The following CACNA1C variants were observed in gnomAD, a reference collection of about 807,000 sequenced individuals.
The protein encoded by CACNA1C is calcium voltage-gated channel subunit alpha1 C, also known as voltage-dependent L-type calcium channel subunit alpha-1C.
A neutral mutation model predicts 229.0 loss-of-function variants in CACNA1C; 30 were observed. The observed-to-expected ratio is 0.13, with a 90% confidence interval of 0.10 to 0.18. CACNA1C has a LOEUF of 0.18. Among genes scored for constraint, CACNA1C ranks in the 10% least tolerant of loss-of-function variants. The probability of loss-of-function intolerance (pLI) is 1.00; values close to 1 mark genes in which losing one functional copy is unlikely to be tolerated. For missense variants in CACNA1C, 1,658 were observed against 2,845.0 expected, an observed-to-expected ratio of 0.58 and a Z score of 9.49; for synonymous variants, 1,114 against 1,132.5, an observed-to-expected ratio of 0.98 and a Z score of 0.33.
At chr12:2,472,600 C>A (rs183927605) in intron 5 of CACNA1C, among the ~76,000 whole-genome samples, 13 of 151,838 alleles carry the variant, frequency 8.6e-5, no homozygotes, top group East Asian at 3.9e-4. Flanking sequence ...AGCACTCTCT[C>A]TATATATATA....
At chr12:2,383,981 C>T (rs539883524) in intron 3 of CACNA1C, among the ~76,000 whole-genome samples, 2 of 152,186 alleles carry the variant, frequency 1.3e-5, no homozygotes, top group Non-Finnish European at 2.9e-5. Flanking sequence ...ACAGATCCTC[C>T]GGGTGCAAGG....
intron 3 of CACNA1C, among the ~76,000 whole-genome samples, chr12:2,447,532 C>T (rs1194253690): frequency 6.6e-6 from 1 of 151,654 alleles, no homozygotes; most frequent in Non-Finnish European, 1.5e-5. Flanking sequence ...CTGGGTAGGG[C>T]CCAGAATTCT....
chr12:2,457,296 C>T (rs973350240), intron 4 of CACNA1C, among the ~76,000 whole-genome samples: 1 of 152,202 alleles, frequency 6.6e-6, no homozygotes, highest in Non-Finnish European at 1.5e-5. Context: ...AGCGCTTGTC[C>T]AGCTCCTGCC....
intron 3 of CACNA1C, among the ~76,000 whole-genome samples, chr12:2,262,685 T>G (rs534688806): frequency 8.6e-5 from 13 of 151,862 alleles, no homozygotes; most frequent in Non-Finnish European, 1.5e-4. Flanking sequence ...AGGACTGGGG[T>G]GGGGTGGAGG....
rs2073159316 is a variant in CACNA1C at position 2,602,629 on chromosome 12, CTTGTGTGTGTGTGTGTGT to C, written c.2960+670_2960+687del. On this transcript the variant is annotated intron_variant, in intron 22 of 46. Transcript: ENST00000399655. This position sits in a 1 kb window ranked among gnomAD's most constrained non-coding sequence, Gnocchi z 4.4. ...TGTGTGTGACTGTGTATATTTGTGT[CTTGTGTGTGTGTGTGTGT>C]GTGTGTGTGTGTGTGTGTGTGTGAG... Among the ~76,000 whole-genome samples, 2 of 87,744 alleles carry C rather than the reference CTTGTGTGTGTGTGTGTGT, an allele frequency of 2.3e-5. No individual in the cohort carries two copies. The highest frequency in any genetic ancestry group is 8.2e-5 in the African/African-American group (2 of 24,358). The allele number at this position is 87,744 out of a possible 152,430, so 57.6% of individuals were successfully genotyped here.
chr12:2,115,809 T>C (rs2083598687), intron 2 of CACNA1C, among the ~76,000 whole-genome samples: 1 of 152,252 alleles, frequency 6.6e-6, no homozygotes, highest in African/African-American at 2.4e-5. Context: ...GTTTTTTGTT[T>C]TTTTCATATA....
At chr12:2,237,641 G>T (rs1402728457) in intron 3 of CACNA1C, among the ~76,000 whole-genome samples, 1 of 152,170 alleles carries the variant, frequency 6.6e-6, no homozygotes, top group Non-Finnish European at 1.5e-5. Flanking sequence ...TAACCAGTTG[G>T]AAGGAAGGAT....
chr12:2,193,215 G>A (rs2097295802), intron 3 of CACNA1C, among the ~76,000 whole-genome samples: 1 of 152,236 alleles, frequency 6.6e-6, no homozygotes, highest in Admixed American at 6.5e-5. Context: ...AGCACTTTGG[G>A]AGGCTGAGGC....
intron 3 of CACNA1C, among the ~76,000 whole-genome samples, chr12:2,142,885 C>CAA (rs975783959): frequency 1.3e-5 from 2 of 150,876 alleles, no homozygotes; most frequent in African/African-American, 4.8e-5. Context: ...ACAAAAGAGT[C>CAA]AAAAAGTTAA....
intron 30 of CACNA1C, among the ~76,000 whole-genome samples, chr12:2,640,156 A>G (rs922310276): frequency 4.6e-5 from 7 of 152,216 alleles, no homozygotes; most frequent in African/African-American, 1.7e-4. Context: ...TACTCTCCAC[A>G]TGAGGAAATC....
At chr12:2,124,601 C>T (rs955849697) in intron 3 of CACNA1C, among the ~76,000 whole-genome samples, 7 of 152,092 alleles carry the variant, frequency 4.6e-5, no homozygotes, top group Non-Finnish European at 1.0e-4. Flanking sequence ...CAGACGGAGG[C>T]CTCACTGTTT....
intron 3 of CACNA1C, among the ~76,000 whole-genome samples, chr12:2,414,678 G>A (rs1273911569): frequency 6.6e-6 from 1 of 152,102 alleles, no homozygotes; most frequent in East Asian, 1.9e-4. Flanking sequence ...GTGTCACAGG[G>A]CATACGAGCT....
chr12:2,347,352 G>A (rs938885850), intron 3 of CACNA1C, among the ~76,000 whole-genome samples: 1 of 152,256 alleles, frequency 6.6e-6, no homozygotes, highest in African/African-American at 2.4e-5. Context: ...ATCCAGTGCT[G>A]TGTGCTAGGT....
chr12:2,430,234 G>T (rs1323630718), intron 3 of CACNA1C, among the ~76,000 whole-genome samples: 1 of 152,120 alleles, frequency 6.6e-6, no homozygotes, highest in Non-Finnish European at 1.5e-5. Flanking sequence ...TGGGGGTTAG[G>T]ATTTCAACAT....
intron 30 of CACNA1C, chr12:2,641,493 T>C: frequency 3.5e-6 from 2 of 570,032 alleles, no homozygotes; most frequent in Admixed American, 6.1e-5. Context: ...GAGGTTATCC[T>C]TGACATCTCC....
rs1348805795 is a variant in CACNA1C, at chr12:2,285,565, C to CTTAAA, written c.478-163411_478-163410insTTAAA. Among the ~76,000 whole-genome samples, 6 of 152,108 alleles carry CTTAAA rather than the reference C, an allele frequency of 3.9e-5. No homozygotes were observed. The highest frequency in any genetic ancestry group is 1.4e-4 in the African/African-American group (6 of 41,418). The stretch of plus-strand genomic sequence containing the variant: ...AACTCTCCTTAAACACCTCCTCATC[C>CTTAAA]CAGACGGGTTGACTTTCAATGAGAG... On this transcript the variant is annotated intron_variant, in intron 3 of 46. Coordinates refer to ENST00000399655, the MANE Select transcript of CACNA1C (RefSeq NM_000719.7). This position sits in a 1 kb window ranked among gnomAD's most constrained non-coding sequence, Gnocchi z 4.2.
chr12:2,137,821 G>A (rs1057238243), intron 3 of CACNA1C, among the ~76,000 whole-genome samples: 3 of 151,442 alleles, frequency 2.0e-5, no homozygotes, highest in South Asian at 4.2e-4. Flanking sequence ...GATGGGTGGT[G>A]AGTGGTGTGG....
chr12:2,208,691 A>G (rs142964874), intron 3 of CACNA1C, among the ~76,000 whole-genome samples: 195 of 152,334 alleles, frequency 1.3e-3, no homozygotes, highest in African/African-American at 4.5e-3. Context: ...TACCATGCAC[A>G]GTAGCTGAAG....
chr12:2,454,641 G>A (rs553886362), intron 4 of CACNA1C, among the ~76,000 whole-genome samples: 4 of 152,142 alleles, frequency 2.6e-5, no homozygotes, highest in Non-Finnish European at 4.4e-5. Context: ...CAAGAAATCT[G>A]CAAAGTTGAG....
Sources: gnomAD v4.1 joint callset for allele counts (sites outside exome capture counted in the v4.1 genomes callset) on GRCh38, gnomAD v4.1.1 for gene constraint, Gnocchi (gnomAD v3.1) non-coding constraint, MANE v1.5 for transcripts, NCBI Gene and HGNC (gene_info 2026-07-23, HGNC 2026-07-21) for gene names.